The following CDH13 variants were observed in gnomAD, a reference collection of about 807,000 sequenced individuals.
The protein encoded by CDH13 is cadherin-13.
A neutral mutation model predicts 63.8 loss-of-function variants in CDH13; 24 were observed. That is an observed-to-expected ratio of 0.38 (90% confidence interval 0.27 to 0.53). The LOEUF (loss-of-function observed/expected upper bound fraction) is 0.53, where lower values mean the gene tolerates loss of function less well. CDH13 is among the 20% of genes least tolerant of loss of function. The pLI is 0.85. For missense variants in CDH13, 1,049 were observed against 903.1 expected, an observed-to-expected ratio of 1.16 and a Z score of -2.07; for synonymous variants, 503 against 355.3, an observed-to-expected ratio of 1.42 and a Z score of -4.67.
At chr16:83,596,069 G>C (rs1732825327) in intron 7 of CDH13, among the ~76,000 whole-genome samples, 1 of 152,178 alleles carries the variant, frequency 6.6e-6, no homozygotes, top group African/African-American at 2.4e-5. Context: ...TTTCCTCTGA[G>C]CCTTGAACCA....
intron 2 of CDH13, among the ~76,000 whole-genome samples, chr16:82,956,024 G>T (rs1830410548): frequency 6.6e-6 from 1 of 152,068 alleles, no homozygotes; most frequent in African/African-American, 2.4e-5. Flanking sequence ...ATGTCCCATA[G>T]TTCATTGAAC....
intron 10 of CDH13, among the ~76,000 whole-genome samples, chr16:83,741,500 A>ATATATATATG (rs1555523569): frequency 6.7e-6 from 1 of 149,726 alleles, no homozygotes; most frequent in Non-Finnish European, 1.5e-5. Flanking sequence ...ATATATATAT[A>ATATATATATG]TGTGTGTGTG....
intron 6 of CDH13, among the ~76,000 whole-genome samples, chr16:83,425,435 C>T (rs1015216400): frequency 6.6e-6 from 1 of 152,250 alleles, no homozygotes; most frequent in South Asian, 2.1e-4. Context: ...CCACTCTTGG[C>T]CAGGGGCCAA....
chr16:82,868,565 CA>C lies in CDH13; in HGVS notation c.157+10093del, dbSNP rs1192364630. Among the ~76,000 whole-genome samples the C allele has an allele frequency of 1.1e-4, 16 of 152,270 alleles. No homozygotes were observed. In the South Asian group the frequency reaches 2.5e-3, roughly 24 times the overall value. On this transcript the variant is annotated intron_variant, in intron 2 of 13. Coordinates refer to ENST00000567109, the MANE Select transcript of CDH13 (RefSeq NM_001257.5). ...AAAGAATGGGAAACACAAGAAGTAACAGAGTGAGAAGGACTTCTCAGACGAG... is the reference window on the plus strand; with the variant it reads ...AAAGAATGGGAAACACAAGAAGTAACGAGTGAGAAGGACTTCTCAGACGAG...
chr16:83,411,032 T>A (rs1305601371), intron 6 of CDH13, among the ~76,000 whole-genome samples: 1 of 152,222 alleles, frequency 6.6e-6, no homozygotes, highest in Non-Finnish European at 1.5e-5. Flanking sequence ...CCATATCCAG[T>A]TGGTCACTTG....
chr16:82,630,321 C>G (rs905445523), intron 1 of CDH13, among the ~76,000 whole-genome samples: 10 of 152,098 alleles, frequency 6.6e-5, no homozygotes, highest in African/African-American at 2.4e-4. Context: ...ATAGAGTTCA[C>G]CTGTCTGAAT....
chr16:83,331,102 C>A (rs915460909), intron 5 of CDH13, among the ~76,000 whole-genome samples: 1 of 152,136 alleles, frequency 6.6e-6, no homozygotes, highest in African/African-American at 2.4e-5. Flanking sequence ...GACTGAGTAC[C>A]TTAAACAATC....
At chr16:83,619,710 G>C (rs1429023234) in intron 8 of CDH13, among the ~76,000 whole-genome samples, 2 of 152,226 alleles carry the variant, frequency 1.3e-5, no homozygotes, top group Non-Finnish European at 1.5e-5. Flanking sequence ...CTTTGCAGAA[G>C]GACACCAGTC....
chr16:82,833,614 G>A (rs2038639471), intron 1 of CDH13, among the ~76,000 whole-genome samples: 1 of 152,200 alleles, frequency 6.6e-6, no homozygotes, highest in African/African-American at 2.4e-5. Context: ...GATGGAAAAT[G>A]ATTCCCTTCC....
intron 7 of CDH13, among the ~76,000 whole-genome samples, chr16:83,568,475 A>G (rs1449194569): frequency 6.6e-6 from 1 of 152,224 alleles, no homozygotes; most frequent in Non-Finnish European, 1.5e-5. Flanking sequence ...TCACTGAGTT[A>G]TTGATGAATC....
chr16:83,106,319 C>T (rs2034761902), intron 3 of CDH13, among the ~76,000 whole-genome samples: 1 of 152,134 alleles, frequency 6.6e-6, no homozygotes, highest in Non-Finnish European at 1.5e-5. Flanking sequence ...GCAAGTGGAT[C>T]ATGAGGTCAG....
At chr16:83,205,594 G>A (rs948944645) in intron 4 of CDH13, among the ~76,000 whole-genome samples, 3 of 134,782 alleles carry the variant, frequency 2.2e-5, no homozygotes, top group Non-Finnish European at 4.6e-5. Flanking sequence ...TGGTGCCCAA[G>A]AGGAAAACCT....
chr16:83,605,230 A>G (rs546719228), intron 8 of CDH13, among the ~76,000 whole-genome samples: 1 of 152,374 alleles, frequency 6.6e-6, no homozygotes, highest in Admixed American at 6.5e-5. Flanking sequence ...GAGATAAGTA[A>G]TCAGATGAAA....
intron 6 of CDH13, among the ~76,000 whole-genome samples, chr16:83,352,617 G>A (rs1187223598): frequency 6.6e-6 from 1 of 152,204 alleles, no homozygotes; most frequent in Non-Finnish European, 1.5e-5. Flanking sequence ...TCAGCCGGGT[G>A]CGGTGGCTCA....
At chr16:83,687,318 G>T (rs1041364615) in intron 10 of CDH13, among the ~76,000 whole-genome samples, 1 of 152,184 alleles carries the variant, frequency 6.6e-6, no homozygotes, top group Admixed American at 6.5e-5. Context: ...ATTGTCTCAT[G>T]GCTCTGCAGG....
chr16:82,992,184 G>A (rs1364597502), intron 2 of CDH13, among the ~76,000 whole-genome samples: 6 of 152,158 alleles, frequency 3.9e-5, no homozygotes, highest in African/African-American at 1.4e-4. Flanking sequence ...GTATGTCCTA[G>A]TCCAGCCTCT....
intron 7 of CDH13, among the ~76,000 whole-genome samples, chr16:83,488,226 C>T (rs1284355979): frequency 6.6e-6 from 1 of 152,224 alleles, no homozygotes; most frequent in African/African-American, 2.4e-5. Context: ...AGAACACTTC[C>T]ATCACCCCAG....
At chr16:83,721,035 C>G (rs1383035755) in intron 10 of CDH13, 3 of 152,236 alleles carry the variant, frequency 2.0e-5, no homozygotes, top group Non-Finnish European at 4.4e-5. Context: ...TCTGTATCGT[C>G]AGAACTCAGC....
chr16:83,134,516 A>T (rs1376931462), intron 4 of CDH13, among the ~76,000 whole-genome samples: 2 of 131,046 alleles, frequency 1.5e-5, no homozygotes, highest in African/African-American at 5.6e-5. Flanking sequence ...TTTGATGTTG[A>T]TGGATTTTAT....
Sources: gnomAD v4.1 joint callset for allele counts (sites outside exome capture counted in the v4.1 genomes callset) on GRCh38, gnomAD v4.1.1 for gene constraint, MANE v1.5 for transcripts, NCBI Gene and HGNC (gene_info 2026-07-23, HGNC 2026-07-21) for gene names.